ZYG11B: variants seen among roughly 807,000 people sequenced by gnomAD.
ZYG11B encodes the protein zyg-11 family member B, cell cycle regulator, also known as protein zyg-11 homolog B.
In ZYG11B, 36 loss-of-function variants were observed where a neutral mutation model predicts 82.4. The observed-to-expected ratio is 0.44, with a 90% CI of 0.33 to 0.58. The LOEUF (loss-of-function observed/expected upper bound fraction) is 0.58, where lower values mean the gene tolerates loss of function less well. Among genes scored for constraint, ZYG11B ranks in the 20% least tolerant of loss-of-function variants. The pLI is 0.02. For synonymous variants in ZYG11B, 303 were observed against 312.8 expected, an observed-to-expected ratio of 0.97 and a Z score of 0.33; for missense variants, 552 against 895.6, an observed-to-expected ratio of 0.62 and a Z score of 4.90.
intron 1 of ZYG11B, among the ~76,000 whole-genome samples, chr1:52,739,942 T>G (rs928832890): frequency 6.6e-6 from 1 of 152,168 alleles, no homozygotes; most frequent in East Asian, 1.9e-4. Context: ...TCCCATTTAT[T>G]CCTCATTACT....
chr1:52,796,977 AATAT>A (rs1253138945), intron 8 of ZYG11B, among the ~76,000 whole-genome samples, 193 bp downstream of exon 8: 1 of 63,770 alleles, frequency 1.6e-5, no homozygotes, highest in South Asian at 4.4e-4. Flanking sequence ...AATATATATA[AATAT>A]ATATATTTTT....
chr1:52,793,587 C>T (rs546325269), intron 6 of ZYG11B, among the ~76,000 whole-genome samples: 2 of 152,226 alleles, frequency 1.3e-5, no homozygotes, highest in South Asian at 4.1e-4. Flanking sequence ...CATTGCCTCA[C>T]GATAAAATAA....
At chr1:52,744,101 T>G (rs1468539123) in intron 1 of ZYG11B, among the ~76,000 whole-genome samples, 2 of 152,096 alleles carry the variant, frequency 1.3e-5, no homozygotes, top group African/African-American at 2.4e-5. Flanking sequence ...CACACCCAGC[T>G]AATTTTTTTA....
chr1:52,781,583 G>A (rs1644857007), intron 4 of ZYG11B, among the ~76,000 whole-genome samples: 1 of 152,122 alleles, frequency 6.6e-6, no homozygotes, highest in African/African-American at 2.4e-5. Context: ...AGGAATCTAC[G>A]TTTTAATAAG....
intron 1 of ZYG11B, 57 bp downstream of exon 1, chr1:52,726,740 T>G: frequency 1.4e-6 from 2 of 1,425,914 alleles, no homozygotes; most frequent in South Asian, 1.4e-5. Context: ...CCCCCGCCCG[T>G]CGCGCTGGCC....
At position 52,797,861 on chromosome 1, in the gene ZYG11B, C is replaced by A. The variant is rs1036432054; in HGVS notation, c.1485+1077C>A. Among the ~76,000 whole-genome samples, 5 of 151,938 alleles carry A rather than the reference C, an allele frequency of 3.3e-5. No homozygotes were observed. In the East Asian group the frequency reaches 9.7e-4, roughly 30 times the overall value. On this transcript the variant is annotated intron_variant, in intron 8 of 13. Coordinates refer to ENST00000294353, the MANE Select transcript of ZYG11B (RefSeq NM_024646.3). Reference sequence around the variant, plus strand: ...TTGTGGCTAGGCATGCGGTGACCCACACCTGTAATCCCAGCACTTTGGGAG... The same window carrying A: ...TTGTGGCTAGGCATGCGGTGACCCAAACCTGTAATCCCAGCACTTTGGGAG...
At position 52,796,975 on chromosome 1, in the gene ZYG11B, TAA is replaced by T. The variant is rs1430888185; in HGVS notation, c.1485+193_1485+194del. Among the ~76,000 whole-genome samples, 36 of 66,052 alleles carry T rather than the reference TAA, an allele frequency of 5.5e-4. No individual in the cohort carries two copies. The East Asian group carries it at 9.2e-3, about 17-fold the overall frequency. 43.3% of individuals were successfully genotyped at this position (66,052 alleles called of 152,430 possible). ...AATTATATATTATATATAATATATA[TAA>T]ATATATATATTTTTTATATAAATAT... On this transcript the variant is annotated intron_variant, in intron 8 of 13. Coordinates refer to ENST00000294353, the MANE Select transcript of ZYG11B (RefSeq NM_024646.3).
chr1:52,743,002 C>T (rs909543572), intron 1 of ZYG11B, among the ~76,000 whole-genome samples: 1 of 151,758 alleles, frequency 6.6e-6, no homozygotes, highest in Non-Finnish European at 1.5e-5. Context: ...CCCGGCCGCC[C>T]CGTCTGGGAA....
At chr1:52,761,110 G>T (rs1571757650) in intron 2 of ZYG11B, among the ~76,000 whole-genome samples, 1 of 152,246 alleles carries the variant, frequency 6.6e-6, no homozygotes, top group African/African-American at 2.4e-5. Context: ...TATCTATGGG[G>T]TATGTCATGA....
At chr1:52,807,523 ACT>A (rs1645151324) in intron 10 of ZYG11B, among the ~76,000 whole-genome samples, 1 of 130,164 alleles carries the variant, frequency 7.7e-6, no homozygotes, top group Non-Finnish European at 1.6e-5. Context: ...ACAGGTTCTC[ACT>A]CTGTCACCCA....
Position 52,771,247 on chromosome 1 carries a change from G to T in ZYG11B, c.424G>T (p.Val142Leu). The change falls in exon 3 of 14, where the codon GTG becomes TTG. Residue 142 changes from valine to leucine, a missense_variant. Around this residue, in one of 3 missense-constraint regions of ZYG11B, gnomAD observed 359 missense variants for 555.8 expected, o/e 0.65. Transcript: ENST00000294353. This position sits in a 1 kb window ranked among gnomAD's most constrained non-coding sequence, Gnocchi z 5.4. ...GATCCAGCAGAATCTCCAGTGCCTG[G>T]TGCTGAATTCATTAACTCTCTCCCT... ...KWIQQNLQCL[V>L]LNSLTLSLED... 6.2e-7 allele frequency: 1 copy of T among 1,614,200 alleles called. No individual in the cohort carries two copies. The highest frequency in any genetic ancestry group is 8.5e-7 in the Non-Finnish European group (1 of 1,180,032).
chr1:52,821,422 T>C lies in ZYG11B; in HGVS notation c.2045-17T>C, dbSNP rs775588574. On this transcript the variant is annotated splice_polypyrimidine_tract_variant and intron_variant, in intron 13 of 13. Coordinates refer to ENST00000294353, the MANE Select transcript of ZYG11B (RefSeq NM_024646.3). ...GCTATTTCTCCTGTTTTGTGTGTGTTTTTTTTTCTTTTTCAGCTTCAAGGT... is the reference window on the plus strand; with the variant it reads ...GCTATTTCTCCTGTTTTGTGTGTGTCTTTTTTTCTTTTTCAGCTTCAAGGT... The C allele has an allele frequency of 6.6e-7, 1 of 1,524,014 alleles. No homozygotes were observed. The highest frequency in any genetic ancestry group is 1.4e-5 in the African/African-American group (1 of 71,668). The allele number at this position is 1,524,014 out of a possible 1,614,324, so 94.4% of individuals were successfully genotyped here. A position where few individuals can be genotyped will look rare whatever the true frequency, so the allele number is the denominator to read the frequency against.
Position 52,772,642 on chromosome 1 carries a change from G to A in ZYG11B, c.951+868G>A, listed in dbSNP as rs563537336. 237 of 906,208 alleles carry A rather than the reference G, an allele frequency of 2.6e-4. 4 individuals carry two copies. The South Asian group carries it at 2.9e-3, about 11-fold the overall frequency. The allele number at this position is 906,208 out of a possible 1,614,324, so 56.1% of individuals were successfully genotyped here. A position where few individuals can be genotyped will look rare whatever the true frequency, so the allele number is the denominator to read the frequency against. The stretch of plus-strand genomic sequence containing the variant: ...AGGCCCTTCTCAGGAGCACGCATAC[G>A]ACCCATGATGGCGGCGATCAGGCAA... On this transcript the variant is annotated intron_variant, in intron 3 of 13. Coordinates refer to ENST00000294353, the MANE Select transcript of ZYG11B (RefSeq NM_024646.3).
chr1:52,803,249 C>T lies in ZYG11B; in HGVS notation c.1695+1110C>T, dbSNP rs368420819. 5.9e-3 allele frequency among the ~76,000 whole-genome samples: 261 copies of T among 44,336 alleles called. 13 individuals are homozygous for T. Among genetic ancestry groups the T allele is most frequent in the East Asian group, 0.032 (14 of 442 alleles). The allele number at this position is 44,336 out of a possible 152,430, so 29.1% of individuals were successfully genotyped here. ...ACACACATATATATATACACACACA[C>T]ATATATATATATATATACACACACA... On this transcript the variant is annotated intron_variant, in intron 10 of 13. Coordinates refer to ENST00000294353, the MANE Select transcript of ZYG11B (RefSeq NM_024646.3).
At chr1:52,790,391 C>A (rs1007278507) in intron 6 of ZYG11B, among the ~76,000 whole-genome samples, 1 of 152,112 alleles carries the variant, frequency 6.6e-6, no homozygotes, top group Admixed American at 6.6e-5. Flanking sequence ...TATAGAGATT[C>A]ATTGTCTTGA....
intron 1 of ZYG11B, among the ~76,000 whole-genome samples, chr1:52,735,758 G>A (rs1158121066): frequency 2.0e-5 from 3 of 151,924 alleles, no homozygotes; most frequent in Admixed American, 1.3e-4. Context: ...GGCTGGTCTC[G>A]AACTCCTGAC....
chr1:52,774,166 G>A (rs1442033317), intron 3 of ZYG11B, among the ~76,000 whole-genome samples: 1 of 151,668 alleles, frequency 6.6e-6, no homozygotes, highest in Non-Finnish European at 1.5e-5. Context: ...CAGAGGCAGG[G>A]TCTTGCCCTG....
intron 1 of ZYG11B, among the ~76,000 whole-genome samples, chr1:52,752,016 A>G (rs1571750495): frequency 1.3e-5 from 2 of 151,774 alleles, no homozygotes; most frequent in South Asian, 2.1e-4. Context: ...GCAGACATCA[A>G]TTGGGTGCCC....
intron 3 of ZYG11B, chr1:52,772,073 G>C (rs749505639): frequency 1.3e-6 from 1 of 745,880 alleles, no homozygotes; most frequent in Non-Finnish European, 2.3e-6. Context: ...CTAAACAATA[G>C]GTTGTCTTAT....
Sources: gnomAD v4.1 joint callset for allele counts (sites outside exome capture counted in the v4.1 genomes callset) on GRCh38, gnomAD v4.1.1 for gene constraint, gnomAD v4.1.1 regional missense constraint, Gnocchi (gnomAD v3.1) non-coding constraint, MANE v1.5 for transcripts, NCBI Gene and HGNC (gene_info 2026-07-23, HGNC 2026-07-21) for gene names.